Variants in EFCAB6 observed in about 807,000 individuals in gnomAD.
EFCAB6 encodes EF-hand calcium-binding domain-containing protein 6.
A neutral mutation model predicts 169.8 loss-of-function variants in EFCAB6; 156 were observed. The ratio of observed to expected loss-of-function variants is 0.92; its 90% CI spans 0.81 to 1.05. The LOEUF (loss-of-function observed/expected upper bound fraction) is 1.05, where lower values mean the gene tolerates loss of function less well. Ranked by LOEUF, EFCAB6 falls within the 50% of genes least tolerant of loss-of-function variation. The pLI is 0.00. For missense variants in EFCAB6, 1,800 were observed against 1,829.1 expected (o/e 0.98, Z 0.29); for synonymous variants, 698 against 676.4 (o/e 1.03, Z -0.50).
At chr22:43,641,735 G>A (rs866331746) in intron 17 of EFCAB6, among the ~76,000 whole-genome samples, 1 of 152,158 alleles carries the variant, frequency 6.6e-6, no homozygotes, top group Non-Finnish European at 1.5e-5. Context: ...GCTCCTCAAC[G>A]GGTGGTGCAG....
intron 6 of EFCAB6, among the ~76,000 whole-genome samples, chr22:43,753,535 C>G (rs2060845647): frequency 6.6e-6 from 1 of 152,162 alleles, no homozygotes; most frequent in Admixed American, 6.5e-5. Flanking sequence ...AGATGAGACC[C>G]AGAGGTCATC....
At chr22:43,653,426 G>A (rs1232466937) in intron 17 of EFCAB6, among the ~76,000 whole-genome samples, 1 of 152,170 alleles carries the variant, frequency 6.6e-6, no homozygotes, top group East Asian at 1.9e-4. Context: ...AATGCCAGAA[G>A]AAAATGATTG....
rs748702577 is a variant in EFCAB6 at position 43,731,699 on chromosome 22, C to T, written c.757G>A (p.Glu253Lys). ...AGCTATATACTTTAAAAATACTTAC[C>T]TTGATTTCCCATACAATATCTAAGG... ...LNLRYCMGNQEVSLENQQAKN... is the reference protein window; with the variant it reads ...LNLRYCMGNQKVSLENQQAKN... The change falls in exon 8 of 32, where the codon GAG becomes AAG. Residue 253 changes from glutamate (E) to lysine (K), a missense_variant and splice_region_variant. By Grantham distance (56) the Glu-to-Lys change is moderately conservative (BLOSUM62 1). Transcript: ENST00000262726. 6 of 1,564,780 alleles carry T rather than the reference C, an allele frequency of 3.8e-6. No homozygotes were observed. The highest frequency in any genetic ancestry group is 4.6e-5 in the East Asian group (2 of 43,538).
chr22:43,695,373 C>T (rs1385227135), intron 10 of EFCAB6, among the ~76,000 whole-genome samples: 2 of 151,936 alleles, frequency 1.3e-5, no homozygotes, highest in East Asian at 3.8e-4. Flanking sequence ...TGGAAAGTAG[C>T]ATGTTTATGG....
intron 17 of EFCAB6, among the ~76,000 whole-genome samples, chr22:43,636,399 C>T (rs752307213): frequency 6.6e-6 from 1 of 152,122 alleles, no homozygotes; most frequent in Non-Finnish European, 1.5e-5. Context: ...CTGCGCAGCA[C>T]CCCTTAGTGC....
intron 2 of EFCAB6, among the ~76,000 whole-genome samples, chr22:43,807,918 C>A (rs890926568): frequency 2.6e-5 from 4 of 152,148 alleles, no homozygotes; most frequent in Non-Finnish European, 4.4e-5. Flanking sequence ...AAAATCAAAA[C>A]CTTTGACGTC....
intron 12 of EFCAB6, among the ~76,000 whole-genome samples, chr22:43,678,628 C>T (rs2057876961): frequency 1.3e-5 from 2 of 152,114 alleles, no homozygotes; most frequent in Non-Finnish European, 2.9e-5. Flanking sequence ...CACCAACAGT[C>T]TCATCCATTA....
intron 23 of EFCAB6, among the ~76,000 whole-genome samples, chr22:43,593,180 A>G (rs1202967807): frequency 6.6e-6 from 1 of 152,240 alleles, no homozygotes; most frequent in Non-Finnish European, 1.5e-5. Context: ...TTACAAGCCG[A>G]TATTTTTGAG....
At chr22:43,612,631 C>A (rs1456855715) in intron 21 of EFCAB6, among the ~76,000 whole-genome samples, 1 of 152,160 alleles carries the variant, frequency 6.6e-6, no homozygotes, top group Non-Finnish European at 1.5e-5. Context: ...GTGGCTCACA[C>A]CTGTAATTCC....
chr22:43,719,059 AAAC>A (rs1276949113), intron 8 of EFCAB6, among the ~76,000 whole-genome samples: 1 of 152,110 alleles, frequency 6.6e-6, no homozygotes, highest in African/African-American at 2.4e-5. Flanking sequence ...GGCTCTGTTT[AAAC>A]AACATGTCTG....
At chr22:43,636,440 G>A (rs1569293054) in intron 17 of EFCAB6, among the ~76,000 whole-genome samples, 1 of 152,096 alleles carries the variant, frequency 6.6e-6, no homozygotes, top group Non-Finnish European at 1.5e-5. Context: ...GTGGGGCTCT[G>A]TACAGGCTCC....
intron 17 of EFCAB6, among the ~76,000 whole-genome samples, chr22:43,652,061 G>A (rs752956188): frequency 1.3e-5 from 2 of 152,130 alleles, no homozygotes; most frequent in Non-Finnish European, 2.9e-5. Context: ...GGGGACTATT[G>A]GGAAGGCATG....
intron 23 of EFCAB6, among the ~76,000 whole-genome samples, chr22:43,590,442 T>C (rs1477387795): frequency 6.6e-6 from 1 of 152,216 alleles, no homozygotes; most frequent in African/African-American, 2.4e-5. Flanking sequence ...ATTACCATCA[T>C]TAGCAAAATT....
At chr22:43,542,575 A>G (rs1363761196) in intron 27 of EFCAB6, among the ~76,000 whole-genome samples, 2 of 152,164 alleles carry the variant, frequency 1.3e-5, no homozygotes, top group African/African-American at 4.8e-5. Context: ...GCAAGACTCC[A>G]TCTCAAAAAC....
intron 5 of EFCAB6, 123 bp downstream of exon 5, chr22:43,765,182 A>C (rs2061288845): frequency 1.5e-6 from 1 of 647,020 alleles, no homozygotes; most frequent in Non-Finnish European, 2.7e-6. Context: ...CCATATGGAC[A>C]AGTTCTACAA....
At chr22:43,804,564 G>T (rs1452530271) in intron 2 of EFCAB6, among the ~76,000 whole-genome samples, 2 of 152,090 alleles carry the variant, frequency 1.3e-5, no homozygotes, top group Non-Finnish European at 2.9e-5. Flanking sequence ...TTCAAAACCA[G>T]CCTGGGCAAT....
chr22:43,808,503 T>C (rs1054241978), intron 2 of EFCAB6, among the ~76,000 whole-genome samples: 1 of 152,140 alleles, frequency 6.6e-6, no homozygotes, highest in Non-Finnish European at 1.5e-5. Context: ...GACCCCAAAA[T>C]GGTAAATGCC....
intron 6 of EFCAB6, among the ~76,000 whole-genome samples, chr22:43,745,371 A>G (rs2060522466): frequency 6.6e-6 from 1 of 152,240 alleles, no homozygotes; most frequent in Non-Finnish European, 1.5e-5. Flanking sequence ...AAGCTTCTTC[A>G]TGCCACAGCA....
intron 6 of EFCAB6, among the ~76,000 whole-genome samples, chr22:43,746,808 T>C (rs1014291846): frequency 6.6e-6 from 1 of 152,236 alleles, no homozygotes; most frequent in Non-Finnish European, 1.5e-5. Flanking sequence ...CTTTCCTTTC[T>C]TTCCTTTCTT....
Sources: allele counts gnomAD v4.1 joint callset (sites outside exome capture counted in the v4.1 genomes callset), GRCh38; gene constraint gnomAD v4.1.1; transcripts MANE v1.5; gene names NCBI Gene and HGNC (gene_info 2026-07-23, HGNC 2026-07-21).